FAM114A1: variants seen among roughly 807,000 people sequenced by gnomAD.
FAM114A1 encodes the protein protein NOXP20.
FAM114A1 carries 62 observed loss-of-function variants against 64.3 expected under a neutral mutation model. The ratio of observed to expected loss-of-function variants is 0.96; its 90% CI spans 0.79 to 1.19. The LOEUF (loss-of-function observed/expected upper bound fraction) is 1.19. Among genes scored for constraint, FAM114A1 ranks in the 50% most tolerant of loss-of-function variants. The probability of loss-of-function intolerance (pLI) is 0.00; values close to 1 mark genes in which losing one functional copy is unlikely to be tolerated. For synonymous variants in FAM114A1, 254 were observed against 251.1 expected (o/e 1.01, Z -0.11); for missense variants, 645 against 676.3 (o/e 0.95, Z 0.51).
chr4:38,942,389 G>T (rs745477550), intron 14 of FAM114A1, among the ~76,000 whole-genome samples: 14 of 152,158 alleles, frequency 9.2e-5, no homozygotes, highest in Non-Finnish European at 1.8e-4. Context: ...AATAGGAGCT[G>T]TAGGGGCAGG....
Position 38,897,012 on chromosome 4 carries a change from C to T in FAM114A1, c.436+5182C>T, listed in dbSNP as rs148127431. On this transcript the variant is annotated intron_variant, in intron 4 of 14. Coordinates refer to ENST00000358869, the MANE Select transcript of FAM114A1 (RefSeq NM_138389.4). ...TAGAAATGGAAACCATTACCTCTAA[C>T]AGTTGTTGAAAAACTGCAGTTAGAA... Among the ~76,000 whole-genome samples, 391 of 152,288 alleles carry T rather than the reference C, an allele frequency of 2.6e-3. 2 individuals carry two copies. The highest frequency in any genetic ancestry group is 9.2e-3 in the African/African-American group (381 of 41,568).
At chr4:38,868,872 C>T (rs1288701102) in intron 2 of FAM114A1, among the ~76,000 whole-genome samples, 1 of 152,200 alleles carries the variant, frequency 6.6e-6, no homozygotes, top group African/African-American at 2.4e-5. Flanking sequence ...TTCCATCAAG[C>T]CTGAGCTTGG....
intron 2 of FAM114A1, 75 bp from the exon 3 acceptor site, chr4:38,877,996 T>G: frequency 7.7e-7 from 1 of 1,300,162 alleles, no homozygotes. Context: ...CCCTACCAGA[T>G]TTATTTATCC....
intron 12 of FAM114A1, 104 bp downstream of exon 12, chr4:38,932,478 A>C: frequency 8.2e-7 from 1 of 1,226,878 alleles, no homozygotes; most frequent in Non-Finnish European, 1.1e-6. Flanking sequence ...TAGAAGATTC[A>C]GGTTTCTTTT....
chr4:38,887,281 C>G (rs1715914216), intron 3 of FAM114A1, among the ~76,000 whole-genome samples: 1 of 152,196 alleles, frequency 6.6e-6, no homozygotes, highest in African/African-American at 2.4e-5. Context: ...ACGTGAATCT[C>G]ACAAATCTCA....
intron 9 of FAM114A1, among the ~76,000 whole-genome samples, chr4:38,925,333 C>A (rs932508806): frequency 6.6e-6 from 1 of 152,132 alleles, no homozygotes; most frequent in Non-Finnish European, 1.5e-5. Flanking sequence ...AAAGAATAGA[C>A]GTTGTCATTA....
chr4:38,931,385 G>C, intron 10 of FAM114A1, 66 bp from the exon 11 acceptor site: 1 of 1,519,082 alleles, frequency 6.6e-7, no homozygotes, highest in Non-Finnish European at 8.8e-7. Context: ...TCTAGTCTTG[G>C]GGTTGGAATG....
At chr4:38,934,480 G>A (rs1428280714) in intron 12 of FAM114A1, among the ~76,000 whole-genome samples, 1 of 152,052 alleles carries the variant, frequency 6.6e-6, no homozygotes, top group Non-Finnish European at 1.5e-5. Context: ...TTTTATCAAA[G>A]CAAAACTTAC....
rs1402605088 is a variant in FAM114A1 at position 38,878,322 on chromosome 4, C to T, written c.244C>T (p.Leu82Phe). 3.7e-6 allele frequency: 6 copies of T among 1,614,140 alleles called. No homozygotes were observed. The Admixed American group carries it at 1.0e-4, about 27-fold the overall frequency. Residue 82 changes from leucine to phenylalanine, a missense_variant, in exon 3 of 15, where the codon CTC (leucine) becomes TTC (phenylalanine). Leu to Phe is a conservative substitution (Grantham distance 22). Transcript: ENST00000358869. Reference sequence around the variant, plus strand: ...GGATGCCAACGCCCTGGAGCCCCCTCTCAATGGAGACGTGACTGAGGATAC... The same window carrying T: ...GGATGCCAACGCCCTGGAGCCCCCTTTCAATGGAGACGTGACTGAGGATAC... ...PQDANALEPP[L>F]NGDVTEDTLA...
At chr4:38,875,587 T>G (rs980241018) in intron 2 of FAM114A1, among the ~76,000 whole-genome samples, 2 of 152,232 alleles carry the variant, frequency 1.3e-5, no homozygotes, top group African/African-American at 4.8e-5. Flanking sequence ...CTATGGGATT[T>G]TCTAGGTGTA....
chr4:38,932,288 T>C lies in FAM114A1; in HGVS notation c.1377T>C (p.Ile459=). The C allele has an allele frequency of 6.2e-7, 1 of 1,613,974 alleles. No individual in the cohort carries two copies. The highest frequency in any genetic ancestry group is 8.5e-7 in the Non-Finnish European group (1 of 1,179,994). ...TGGCGGAGGTAACAGCGCGCTGTAT[T>C]GAGCAGCTTCATAAAGTAGCAGAAT... ...ESLAEVTARC[I]EQLHKVAELI... is the part of the protein sequence containing the mutation. Residue 459 remains isoleucine, a synonymous_variant, in exon 12 of 15, where the codon ATT becomes ATC. Transcript: ENST00000358869.
In FAM114A1 at chr4:38,905,758, CAG is replaced by C; in HGVS notation, c.556_557del (p.Asp186CysfsTer35). 6.2e-7 allele frequency: 1 copy of C among 1,612,168 alleles called. No individual in the cohort carries two copies. The highest frequency in any genetic ancestry group is 8.5e-7 in the Non-Finnish European group (1 of 1,179,496). On this transcript the variant is annotated frameshift_variant, in exon 6 of 15. Coordinates refer to ENST00000358869, the MANE Select transcript of FAM114A1 (RefSeq NM_138389.4). LOFTEE classifies it high-confidence loss of function. ...AGGATTTCTTTTTTCTCTTTAGTAACAGATGCAGCCACAGATCAGGGCCCTGC... is the reference window on the plus strand; with the variant it reads ...AGGATTTCTTTTTTCTCTTTAGTAACATGCAGCCACAGATCAGGGCCCTGC...
chr4:38,869,805 T>TA (rs1713848909), intron 2 of FAM114A1, among the ~76,000 whole-genome samples: 1 of 151,832 alleles, frequency 6.6e-6, no homozygotes, highest in Non-Finnish European at 1.5e-5. Flanking sequence ...GCCATTTTTT[T>TA]TAAAAAAATC....
At chr4:38,874,385 T>C (rs1714404793) in intron 2 of FAM114A1, among the ~76,000 whole-genome samples, 1 of 152,208 alleles carries the variant, frequency 6.6e-6, no homozygotes, top group South Asian at 2.1e-4. Flanking sequence ...TGGTGTCTCA[T>C]TATGGTTTTT....
At chr4:38,902,644 A>G (rs543809934) in intron 4 of FAM114A1, among the ~76,000 whole-genome samples, 1 of 152,332 alleles carries the variant, frequency 6.6e-6, no homozygotes, top group Non-Finnish European at 1.5e-5. Context: ...CTTCTATTGC[A>G]GTGAGCCAAA....
rs747160695 is a variant in FAM114A1, at chr4:38,943,607, A to C, written c.*50A>C. 2 of 1,499,710 alleles carry C rather than the reference A, an allele frequency of 1.3e-6. No individual in the cohort carries two copies. Among genetic ancestry groups the C allele is most frequent in the South Asian group, 1.1e-5 (1 of 88,324 alleles). 92.9% of individuals were successfully genotyped at this position (1,499,710 alleles called of 1,614,324 possible). On this transcript the variant is annotated 3_prime_UTR_variant, in exon 15 of 15. Transcript: ENST00000358869. ...AGGAGACAGCTGGCCGCCTTGCCTC[A>C]ATATGTACCATTTAAGGGGATGTTC... is the stretch of plus-strand genomic sequence containing the variant.
chr4:38,900,512 C>T (rs1115259), intron 4 of FAM114A1, among the ~76,000 whole-genome samples: 76,265 of 151,810 alleles, frequency 0.5, 19,253 homozygotes, highest in Middle Eastern at 0.64. Flanking sequence ...TGTCGACAGA[C>T]GAATGGAAAA....
intron 4 of FAM114A1, among the ~76,000 whole-genome samples, chr4:38,898,437 G>A (rs1002728384): frequency 6.6e-6 from 1 of 152,138 alleles, no homozygotes; most frequent in African/African-American, 2.4e-5. Flanking sequence ...ATGATACTAC[G>A]ATGAGAAATC....
intron 3 of FAM114A1, among the ~76,000 whole-genome samples, chr4:38,885,084 C>T (rs912356323): frequency 2.6e-5 from 4 of 152,164 alleles, no homozygotes; most frequent in Non-Finnish European, 4.4e-5. Context: ...AAGTGATTCT[C>T]TTGCCTCAGC....
Sources: gnomAD v4.1 joint callset for allele counts (sites outside exome capture counted in the v4.1 genomes callset) on GRCh38, gnomAD v4.1.1 for gene constraint, MANE v1.5 for transcripts, NCBI Gene and HGNC (gene_info 2026-07-23, HGNC 2026-07-21) for gene names.